UBAP2: variants seen among roughly 807,000 people sequenced by gnomAD.
UBAP2 encodes ubiquitin-associated protein 2.
In UBAP2, 75 loss-of-function variants were observed where a neutral mutation model predicts 139.6. The ratio of observed to expected loss-of-function variants is 0.54; its 90% CI spans 0.45 to 0.65. The LOEUF is 0.65. Ranked by LOEUF, UBAP2 falls within the 30% of genes least tolerant of loss-of-function variation. UBAP2 has a pLI of 0.00. For synonymous variants in UBAP2, 526 were observed against 526.2 expected (o/e 1.00, Z 0.01); for missense variants, 1,368 against 1,369.6 (o/e 1.00, Z 0.02).
At chr9:33,938,844 G>C (rs1439775481) in intron 16 of UBAP2, 4 of 429,520 alleles carry the variant, frequency 9.3e-6, no homozygotes, top group South Asian at 5.1e-5. Context: ...TAGTTCACAT[G>C]GTTTTTCTTG....
At chr9:33,932,452 A>T (rs1824067367) in intron 19 of UBAP2, 110 bp downstream of exon 19, 18 of 1,273,448 alleles carry the variant, frequency 1.4e-5, no homozygotes, top group Non-Finnish European at 2.0e-5. Flanking sequence ...TCAGCCAAGC[A>T]ACTCTAGATT....
intron 10 of UBAP2, among the ~76,000 whole-genome samples, chr9:33,956,597 G>A (rs759980460): frequency 6.6e-6 from 1 of 151,988 alleles, no homozygotes; most frequent in Non-Finnish European, 1.5e-5. Context: ...CCAAAGTGTT[G>A]GGATTACAAG....
chr9:34,044,376 G>T (rs1221086517), intron 1 of UBAP2, among the ~76,000 whole-genome samples: 1 of 151,720 alleles, frequency 6.6e-6, no homozygotes, highest in African/African-American at 2.4e-5. Context: ...ACTCCAGCCT[G>T]GGCAAGAGAG....
chr9:34,038,975 C>T lies in UBAP2; in HGVS notation c.-42+9850G>A, dbSNP rs767066443. Among the ~76,000 whole-genome samples, 80 of 150,800 alleles carry T rather than the reference C, an allele frequency of 5.3e-4. 1 individual carries two copies. The highest frequency in any genetic ancestry group is 1.3e-3 in the African/African-American group (55 of 41,088). Reference sequence around the variant, plus strand: ...GGAGCGCCTCTGCCCGACCGCGACCCCGTCTGGGAGTTGAGGAGCGTCTCT... The same window carrying T: ...GGAGCGCCTCTGCCCGACCGCGACCTCGTCTGGGAGTTGAGGAGCGTCTCT... On this transcript the variant is annotated intron_variant, in intron 1 of 28. Coordinates refer to ENST00000379238, the MANE Select transcript of UBAP2 (RefSeq NM_001370062.2).
intron 19 of UBAP2, among the ~76,000 whole-genome samples, chr9:33,932,298 G>T (rs898444687): frequency 1.6e-4 from 25 of 152,132 alleles, no homozygotes; most frequent in Non-Finnish European, 3.1e-4. Context: ...CTGGGAGCAA[G>T]GTCACCACCT....
chr9:33,932,450 G>T, intron 19 of UBAP2, 112 bp downstream of exon 19: 1 of 1,252,840 alleles, frequency 8.0e-7, no homozygotes. Flanking sequence ...TTTCAGCCAA[G>T]CAACTCTAGA....
chr9:33,988,237 CTTTAT>C (rs1258533640), intron 5 of UBAP2, among the ~76,000 whole-genome samples: 2 of 151,966 alleles, frequency 1.3e-5, no homozygotes, highest in Non-Finnish European at 2.9e-5. Context: ...ATTTTACTTA[CTTTAT>C]TCATTGCTGT....
chr9:33,949,398 C>T (rs996914808), intron 12 of UBAP2, among the ~76,000 whole-genome samples: 2 of 151,692 alleles, frequency 1.3e-5, no homozygotes, highest in African/African-American at 4.8e-5. Context: ...GTGAGATGAC[C>T]CTGCAAGATC....
chr9:33,977,042 A>ATT (rs778975821), intron 6 of UBAP2, among the ~76,000 whole-genome samples: 36 of 127,128 alleles, frequency 2.8e-4, no homozygotes, highest in African/African-American at 8.4e-4. Flanking sequence ...TTTTTTATTT[A>ATT]TTTTTTTTTT....
chr9:33,997,720 G>A (rs902974691), intron 3 of UBAP2: 3 of 152,118 alleles, frequency 2.0e-5, no homozygotes, highest in African/African-American at 7.2e-5. Context: ...ACTAAAATTA[G>A]AACTTAAATC....
intron 11 of UBAP2, among the ~76,000 whole-genome samples, chr9:33,954,781 A>G (rs1587555943): frequency 6.6e-6 from 1 of 152,300 alleles, no homozygotes; most frequent in South Asian, 2.1e-4. Context: ...TCAAAACAAT[A>G]TACTATAAGA....
chr9:34,028,035 G>C (rs1825561099), intron 1 of UBAP2, among the ~76,000 whole-genome samples: 1 of 151,552 alleles, frequency 6.6e-6, no homozygotes, highest in Non-Finnish European at 1.5e-5. Flanking sequence ...CTGCATGCCA[G>C]GAGCTGAACA....
intron 11 of UBAP2, among the ~76,000 whole-genome samples, chr9:33,954,269 T>TACATACACACAC (rs1554682976): frequency 7.2e-6 from 1 of 139,810 alleles, no homozygotes; most frequent in Admixed American, 7.2e-5. Context: ...TGTGTGTATA[T>TACATACACACAC]ACACACACAC....
chr9:33,989,021 G>A lies in UBAP2; in HGVS notation c.394C>T (p.Arg132Cys), dbSNP rs570522395. ...KKSEKESSRG[R>C]GNNNRKGRGG... ...CTTCCTTTCCGGTTGTTGTTTCCAC[G>A]TCCACGACTCGATTCTTTCTCGCTT... The change falls in exon 5 of 29, where the codon CGT becomes TGT. Residue 132 changes from arginine to cysteine, a missense_variant. Coordinates refer to ENST00000379238, the MANE Select transcript of UBAP2 (RefSeq NM_001370062.2). 6.2e-5 allele frequency: 100 copies of A among 1,613,634 alleles called. No homozygotes were observed. The highest frequency in any genetic ancestry group is 2.7e-4 in the East Asian group (12 of 44,850).
chr9:33,987,059 A>AG (rs1010882190), intron 5 of UBAP2, among the ~76,000 whole-genome samples: 22 of 151,990 alleles, frequency 1.4e-4, no homozygotes, highest in African/African-American at 5.3e-4. Context: ...TTTCCAGCTG[A>AG]GGGGGGCAGA....
At chr9:33,936,680 AGG>A (rs1824550771) in intron 16 of UBAP2, among the ~76,000 whole-genome samples, 1 of 152,204 alleles carries the variant, frequency 6.6e-6, no homozygotes, top group Non-Finnish European at 1.5e-5. Flanking sequence ...AAATAAATAA[AGG>A]AGACAATACC....
At chr9:33,962,738 A>G (rs1048955367) in intron 9 of UBAP2, among the ~76,000 whole-genome samples, 2 of 151,832 alleles carry the variant, frequency 1.3e-5, no homozygotes, top group African/African-American at 4.8e-5. Context: ...GCATTTCGGG[A>G]GGCAGAGATG....
intron 20 of UBAP2, 145 bp downstream of exon 20, chr9:33,927,652 G>A: frequency 1.3e-6 from 1 of 773,372 alleles, no homozygotes; most frequent in South Asian, 1.9e-5. Flanking sequence ...CAGGGGTGGG[G>A]AGATTGGGCC....
intron 8 of UBAP2, among the ~76,000 whole-genome samples, chr9:33,966,479 GAATC>G (rs1324706312): frequency 2.0e-5 from 3 of 151,782 alleles, no homozygotes; most frequent in African/African-American, 7.3e-5. Flanking sequence ...ATAAAAAAAA[GAATC>G]AAGTTGTCAA....
Sources: gnomAD v4.1 joint callset for allele counts (sites outside exome capture counted in the v4.1 genomes callset) on GRCh38, gnomAD v4.1.1 for gene constraint, MANE v1.5 for transcripts, NCBI Gene and HGNC (gene_info 2026-07-23, HGNC 2026-07-21) for gene names.